The following LTBP1 variants were observed in gnomAD, a reference collection of about 807,000 sequenced individuals.
The protein encoded by LTBP1 is latent transforming growth factor beta binding protein 1, also known as latent-transforming growth factor beta-binding protein 1.
LTBP1 carries 129 observed loss-of-function variants against 207.6 expected under a neutral mutation model. That is an observed-to-expected ratio of 0.62 (90% CI 0.54 to 0.72). LTBP1 has a LOEUF of 0.72. Among genes scored for constraint, LTBP1 ranks in the 30% least tolerant of loss-of-function variants. The pLI is 0.00. For missense variants in LTBP1, 2,281 were observed against 2,217.2 expected (o/e 1.03, Z -0.58); for synonymous variants, 963 against 833.7 (o/e 1.16, Z -2.67).
intron 5 of LTBP1, among the ~76,000 whole-genome samples, chr2:33,178,374 A>T (rs2148623643): frequency 6.6e-6 from 1 of 152,318 alleles, no homozygotes; most frequent in East Asian, 1.9e-4. Context: ...AGCAATGGCG[A>T]GGTTGATGAT....
chr2:33,175,058 A>G (rs1293796519), intron 5 of LTBP1, among the ~76,000 whole-genome samples: 3 of 152,204 alleles, frequency 2.0e-5, no homozygotes, highest in African/African-American at 4.8e-5. Context: ...GAAACCCTAG[A>G]AGAAAACCTA....
intron 19 of LTBP1, among the ~76,000 whole-genome samples, chr2:33,289,106 A>C (rs1259697682): frequency 6.6e-6 from 1 of 152,208 alleles, no homozygotes; most frequent in Non-Finnish European, 1.5e-5. Context: ...TGGGCATGGC[A>C]CATCTAGTTT....
intron 2 of LTBP1, among the ~76,000 whole-genome samples, chr2:32,985,676 C>T (rs554622652): frequency 9.2e-5 from 14 of 152,254 alleles, no homozygotes; most frequent in Admixed American, 7.8e-4. Flanking sequence ...TTCATTTGTT[C>T]ATTGATTCAA....
In LTBP1 at chr2:32,957,301, A is replaced by G. The variant is rs567403704; in HGVS notation, c.565+8356A>G. 1.9e-3 allele frequency among the ~76,000 whole-genome samples: 292 copies of G among 152,330 alleles called. 1 individual carries two copies. Among genetic ancestry groups the G allele is most frequent in the Non-Finnish European group, 3.5e-3 (235 of 68,028 alleles). ...GTGTAAGAGGTCTAGCTCTTGGCCT[A>G]TCTTGGCTTTCTACATGCCTTCCTC... On this transcript the variant is annotated intron_variant, in intron 2 of 33. Transcript: ENST00000404816.
rs148309992 is a variant in LTBP1 at position 32,996,729 on chromosome 2, G to A, written c.566-24180G>A. Among the ~76,000 whole-genome samples, 572 of 152,276 alleles carry A rather than the reference G, an allele frequency of 3.8e-3. 4 individuals are homozygous for A. Among genetic ancestry groups the A allele is most frequent in the African/African-American group, 0.013 (548 of 41,550 alleles). On this transcript the variant is annotated intron_variant, in intron 2 of 33. Coordinates refer to ENST00000404816, the MANE Select transcript of LTBP1 (RefSeq NM_206943.4). Reference sequence around the variant, plus strand: ...TTATCACCCACATTACACAGATCAGGAAACTGAGGCTCCAGAGGTTTATGT... The same window carrying A: ...TTATCACCCACATTACACAGATCAGAAAACTGAGGCTCCAGAGGTTTATGT...
rs74350094 is a variant in LTBP1, at chr2:32,979,424, T to A, written c.565+30479T>A. ...TCATTGTTTCAATAATTTAAAAAAA[T>A]TCCTTCTTAACTTATTCATTGGCCC... On this transcript the variant is annotated intron_variant, in intron 2 of 33. Transcript: ENST00000404816. Among the ~76,000 whole-genome samples the A allele has an allele frequency of 7.7e-3, 1,175 of 152,234 alleles. 15 individuals carry two copies. The highest frequency in any genetic ancestry group is 0.026 in the African/African-American group (1,073 of 41,568).
At chr2:33,022,608 A>G (rs1435062681) in intron 3 of LTBP1, among the ~76,000 whole-genome samples, 1 of 152,224 alleles carries the variant, frequency 6.6e-6, no homozygotes, top group Non-Finnish European at 1.5e-5. Context: ...AAGGTCCCAC[A>G]GTTACTAAGT....
intron 2 of LTBP1, among the ~76,000 whole-genome samples, chr2:32,959,265 A>C (rs1678600137): frequency 6.6e-6 from 1 of 152,018 alleles, no homozygotes; most frequent in South Asian, 2.1e-4. Context: ...ACTTTACTGA[A>C]CTGATGAGAT....
chr2:33,011,594 T>C (rs1212277147), intron 2 of LTBP1, among the ~76,000 whole-genome samples: 1 of 152,032 alleles, frequency 6.6e-6, no homozygotes, highest in Non-Finnish European at 1.5e-5. Flanking sequence ...TGCTGATGCA[T>C]TGACCTTGGA....
intron 5 of LTBP1, among the ~76,000 whole-genome samples, chr2:33,144,710 AG>A (rs1279165111): frequency 6.6e-6 from 1 of 152,246 alleles, no homozygotes; most frequent in Non-Finnish European, 1.5e-5. Context: ...TATGCGATGC[AG>A]TATATATACC....
intron 9 of LTBP1, among the ~76,000 whole-genome samples, chr2:33,236,390 C>T (rs2092051763): frequency 6.6e-6 from 1 of 152,158 alleles, no homozygotes; most frequent in African/African-American, 2.4e-5. Flanking sequence ...TACTGCTGCA[C>T]TTTCTAGTTT....
Position 32,969,237 on chromosome 2 carries a change from G to A in LTBP1, c.565+20292G>A, listed in dbSNP as rs1256374215. Among the ~76,000 whole-genome samples, 19 of 111,072 alleles carry A rather than the reference G, an allele frequency of 1.7e-4. No homozygotes were observed. In the Admixed American group the frequency reaches 2.0e-3, roughly 12 times the overall value. 72.9% of individuals were successfully genotyped at this position (111,072 alleles called of 152,430 possible). On this transcript the variant is annotated intron_variant, in intron 2 of 33. Transcript: ENST00000404816. ...CATGGCACCTGGCCAATTTGTGTGT[G>A]TGTGTGTGTGTGTGTGTGTGTGTGT... is the stretch of plus-strand genomic sequence containing the variant.
intron 3 of LTBP1, among the ~76,000 whole-genome samples, chr2:33,099,842 G>C (rs10183425): frequency 6.6e-6 from 1 of 152,030 alleles, no homozygotes; most frequent in African/African-American, 2.4e-5. Context: ...CTAGTAAGAG[G>C]GAAAATTGTG....
chr2:33,097,332 A>G (rs1160214754), intron 3 of LTBP1, among the ~76,000 whole-genome samples: 1 of 152,214 alleles, frequency 6.6e-6, no homozygotes, highest in East Asian at 1.9e-4. Flanking sequence ...TACAGATAAA[A>G]TAAAAGTCAA....
At chr2:33,145,088 T>C (rs777182640) in intron 5 of LTBP1, among the ~76,000 whole-genome samples, 13 of 152,194 alleles carry the variant, frequency 8.5e-5, no homozygotes, top group Non-Finnish European at 1.9e-4. Flanking sequence ...ATTGCCAATT[T>C]AATGTGATAC....
intron 3 of LTBP1, among the ~76,000 whole-genome samples, chr2:33,103,394 G>T (rs1298785675): frequency 6.6e-6 from 1 of 152,188 alleles, no homozygotes. Context: ...TCTGTATGCT[G>T]TATGCATTGT....
chr2:33,379,271 G>A (rs1295755182), intron 31 of LTBP1, among the ~76,000 whole-genome samples: 1 of 144,704 alleles, frequency 6.9e-6, no homozygotes, highest in East Asian at 2.1e-4. Flanking sequence ...GTGCAGTGGT[G>A]CAATCTTGGC....
intron 2 of LTBP1, among the ~76,000 whole-genome samples, chr2:32,956,277 T>A (rs774236404): frequency 6.6e-6 from 1 of 152,222 alleles, no homozygotes; most frequent in Non-Finnish European, 1.5e-5. Flanking sequence ...TACAGTGCTG[T>A]TTGATAGCAT....
rs1305848651 is a variant in LTBP1, at chr2:33,182,927, AT to A, written c.1202-3928del. The stretch of plus-strand genomic sequence containing the variant: ...ATTAATATATAGGGAAATGAAAAAA[AT>A]AGTACAGCTAATATTTATTTAGTAC... On this transcript the variant is annotated intron_variant, in intron 5 of 33. Coordinates refer to ENST00000404816, the MANE Select transcript of LTBP1 (RefSeq NM_206943.4). Among the ~76,000 whole-genome samples the A allele has an allele frequency of 6.0e-5, 9 of 148,924 alleles. No homozygotes were observed. In the South Asian group the frequency reaches 1.5e-3, roughly 25 times the overall value.
Sources: gnomAD v4.1 joint callset for allele counts (sites outside exome capture counted in the v4.1 genomes callset) on GRCh38, gnomAD v4.1.1 for gene constraint, MANE v1.5 for transcripts, NCBI Gene and HGNC (gene_info 2026-07-23, HGNC 2026-07-21) for gene names.